Variants in FKBP5 observed in about 807,000 individuals in gnomAD.
The protein encoded by FKBP5 is peptidyl-prolyl cis-trans isomerase FKBP5.
In FKBP5, 23 loss-of-function variants were observed where a neutral mutation model predicts 50.5. That is an observed-to-expected ratio of 0.46 (90% CI 0.33 to 0.65). The LOEUF (loss-of-function observed/expected upper bound fraction) is 0.65. Ranked by LOEUF, FKBP5 falls within the 30% of genes least tolerant of loss-of-function variation. The pLI, the probability that FKBP5 is intolerant of heterozygous loss-of-function variation, is 0.02. For synonymous variants in FKBP5, 176 were observed against 190.6 expected, an observed-to-expected ratio of 0.92 and a Z score of 0.63; for missense variants, 411 against 553.1, an observed-to-expected ratio of 0.74 and a Z score of 2.58.
In FKBP5 at chr6:35,605,583, A is replaced by G. The variant is rs373725225; in HGVS notation, c.509-8179T>C. On this transcript the variant is annotated intron_variant, in intron 5 of 10. Coordinates refer to ENST00000357266, the MANE Select transcript of FKBP5 (RefSeq NM_004117.4). ...GGCTAATTTTTTTTATTTTTAGTAG[A>G]GACAAGGTTTCACTATGCTGCCCAG... Among the ~76,000 whole-genome samples, 58 of 151,726 alleles carry G rather than the reference A, an allele frequency of 3.8e-4. No individual in the cohort carries two copies. The South Asian group carries it at 9.4e-3, about 24-fold the overall frequency.
chr6:35,585,805 G>A, intron 8 of FKBP5: 2 of 985,284 alleles, frequency 2.0e-6, no homozygotes, highest in Non-Finnish European at 2.4e-6. Flanking sequence ...CCACAAAACT[G>A]ATTTCATGAC....
At chr6:35,614,174 G>A (rs1227340365) in intron 5 of FKBP5, among the ~76,000 whole-genome samples, 2 of 152,148 alleles carry the variant, frequency 1.3e-5, no homozygotes, top group Non-Finnish European at 2.9e-5. Flanking sequence ...GATTACAGGT[G>A]TGAGCCACCA....
At position 35,642,665 on chromosome 6, in the gene FKBP5, A is replaced by G. The variant is rs1171183754; in HGVS notation, c.105+55T>C. 5.0e-6 allele frequency: 7 copies of G among 1,390,150 alleles called. No homozygotes were observed. The East Asian group carries it at 1.6e-4, about 32-fold the overall frequency. 86.1% of individuals were successfully genotyped at this position (1,390,150 alleles called of 1,614,324 possible). A position where few individuals can be genotyped will look rare whatever the true frequency, so the allele number is the denominator to read the frequency against. On this transcript the variant is annotated intron_variant, in intron 2 of 10. Transcript: ENST00000357266. ...CCAGCCCCCCTCAGAAAGAGATGCT[A>G]TAATCTTTCCAGACAGCAGGTTTCC...
At chr6:35,672,137 G>A (rs1349465937) in intron 1 of FKBP5, among the ~76,000 whole-genome samples, 1 of 152,058 alleles carries the variant, frequency 6.6e-6, no homozygotes, top group Non-Finnish European at 1.5e-5. Context: ...CAAAGTGCTG[G>A]GATTACAGGC....
chr6:35,636,019 C>G (rs1387137627), intron 3 of FKBP5, among the ~76,000 whole-genome samples: 1 of 152,192 alleles, frequency 6.6e-6, no homozygotes, highest in Non-Finnish European at 1.5e-5. Flanking sequence ...ACTTTTCATA[C>G]TGTTACATTA....
chr6:35,617,471 G>A (rs1377472342), intron 5 of FKBP5, among the ~76,000 whole-genome samples: 1 of 151,898 alleles, frequency 6.6e-6, no homozygotes, highest in Admixed American at 6.6e-5. Context: ...TGGGACTACA[G>A]GTGCACACCA....
intron 1 of FKBP5, among the ~76,000 whole-genome samples, chr6:35,645,944 C>G (rs1337055740): frequency 6.6e-6 from 1 of 152,076 alleles, no homozygotes; most frequent in Non-Finnish European, 1.5e-5. Flanking sequence ...GATGAAACCC[C>G]GTCTCTACTA....
At chr6:35,664,954 T>A (rs1250216765) in intron 1 of FKBP5, among the ~76,000 whole-genome samples, 1 of 152,200 alleles carries the variant, frequency 6.6e-6, no homozygotes, top group Admixed American at 6.5e-5. Flanking sequence ...GTTTGCAACT[T>A]CAATATAATT....
chr6:35,575,629 T>A lies in FKBP5; in HGVS notation c.*206A>T. On this transcript the variant is annotated 3_prime_UTR_variant, in exon 11 of 11. Transcript: ENST00000357266. ...CACAGTCATTTCTGTTTGTTCCACC[T>A]GGAGTGGTCCCGTGCCACCCCTCAG... The A allele has an allele frequency of 1.8e-6, 1 of 557,742 alleles. No individual in the cohort carries two copies. Among genetic ancestry groups the A allele is most frequent in the African/African-American group, 1.9e-5 (1 of 53,200 alleles). 34.5% of individuals were successfully genotyped at this position (557,742 alleles called of 1,614,324 possible).
chr6:35,582,646 A>G, intron 8 of FKBP5: 1 of 983,552 alleles, frequency 1.0e-6, no homozygotes, highest in Non-Finnish European at 1.2e-6. Flanking sequence ...CACCCAGTGT[A>G]TGGTATTTTA....
rs199896008 is a variant in FKBP5, at chr6:35,590,888, T to TAA, written c.756+240_756+241dup. Among the ~76,000 whole-genome samples, 758 of 131,144 alleles carry TAA rather than the reference T, an allele frequency of 5.8e-3. 3 individuals are homozygous for TAA. Among genetic ancestry groups the TAA allele is most frequent in the African/African-American group, 0.018 (646 of 36,130 alleles). 86.0% of individuals were successfully genotyped at this position (131,144 alleles called of 152,430 possible). A position where few individuals can be genotyped will look rare whatever the true frequency, so the allele number is the denominator to read the frequency against. On this transcript the variant is annotated intron_variant, in intron 7 of 10. Coordinates refer to ENST00000357266, the MANE Select transcript of FKBP5 (RefSeq NM_004117.4). Reference sequence around the variant, plus strand: ...AGTCTTGGATTCTACCCAAAAAAGTTAAAAAAAAAAAAAAAAGCTGACACA... The same window carrying TAA: ...AGTCTTGGATTCTACCCAAAAAAGTTAAAAAAAAAAAAAAAAAAGCTGACACA...
At chr6:35,719,037 C>T (rs906204586) in intron 2 of FKBP5, among the ~76,000 whole-genome samples, 2 of 152,178 alleles carry the variant, frequency 1.3e-5, no homozygotes, top group African/African-American at 4.8e-5. Flanking sequence ...TGGCCCTCCC[C>T]TTGCCCCCTC....
At chr6:35,649,175 C>T (rs914706245) in intron 1 of FKBP5, among the ~76,000 whole-genome samples, 9 of 147,818 alleles carry the variant, frequency 6.1e-5, no homozygotes, top group Admixed American at 2.1e-4. Context: ...GGCGTGAACC[C>T]GGGAGGCAGA....
intron 2 of FKBP5, among the ~76,000 whole-genome samples, chr6:35,698,623 A>G (rs1455519668): frequency 6.6e-6 from 1 of 152,160 alleles, no homozygotes; most frequent in East Asian, 1.9e-4. Flanking sequence ...TTCCAGCCTG[A>G]GAGAGTAAGA....
chr6:35,602,423 G>T (rs1763173440), intron 5 of FKBP5, among the ~76,000 whole-genome samples: 1 of 151,966 alleles, frequency 6.6e-6, no homozygotes, highest in Non-Finnish European at 1.5e-5. Context: ...ATCTGAATGG[G>T]AATGTTGTAA....
chr6:35,622,123 T>C (rs1763862876), intron 3 of FKBP5, among the ~76,000 whole-genome samples: 1 of 152,234 alleles, frequency 6.6e-6, no homozygotes, highest in Non-Finnish European at 1.5e-5. Context: ...TAAGCAGGGA[T>C]AGATAAACCA....
intron 5 of FKBP5, among the ~76,000 whole-genome samples, chr6:35,598,506 C>T (rs572229012): frequency 5.9e-5 from 9 of 151,946 alleles, no homozygotes; most frequent in South Asian, 2.1e-4. Flanking sequence ...TACAGGTATG[C>T]GCCACCAGGT....
chr6:35,695,877 G>T (rs1766071869), intron 2 of FKBP5, among the ~76,000 whole-genome samples: 1 of 152,190 alleles, frequency 6.6e-6, no homozygotes, highest in Non-Finnish European at 1.5e-5. Context: ...GGGCGTGGTG[G>T]CTCACACCTG....
chr6:35,623,412 C>T (rs1255907964), intron 3 of FKBP5, among the ~76,000 whole-genome samples: 3 of 152,192 alleles, frequency 2.0e-5, no homozygotes, highest in African/African-American at 7.2e-5. Flanking sequence ...TCTATTGATG[C>T]ATATATTACC....
Sources: allele counts gnomAD v4.1 joint callset (sites outside exome capture counted in the v4.1 genomes callset), GRCh38; gene constraint gnomAD v4.1.1; transcripts MANE v1.5; gene names NCBI Gene and HGNC (gene_info 2026-07-23, HGNC 2026-07-21).